Variants in ATP8A2 observed in about 807,000 individuals in gnomAD.
ATP8A2 encodes phospholipid-transporting ATPase IB.
In ATP8A2, 100 loss-of-function variants were observed where a neutral mutation model predicts 165.6. The observed-to-expected ratio is 0.60, with a 90% CI of 0.51 to 0.71. The LOEUF (loss-of-function observed/expected upper bound fraction) is 0.71, where lower values mean the gene tolerates loss of function less well. ATP8A2 is among the 30% of genes least tolerant of loss of function. ATP8A2 has a pLI of 0.00. For missense variants in ATP8A2, 1,227 were observed against 1,479.5 expected (o/e 0.83, Z 2.80); for synonymous variants, 543 against 548.8 (o/e 0.99, Z 0.15).
At chr13:25,864,478 C>T (rs1485072601) in intron 33 of ATP8A2, among the ~76,000 whole-genome samples, 1 of 152,094 alleles carries the variant, frequency 6.6e-6, no homozygotes, top group Non-Finnish European at 1.5e-5. Context: ...TTCACTGTAC[C>T]AGTCACATAA....
At chr13:25,770,874 A>T (rs150573337) in intron 26 of ATP8A2, among the ~76,000 whole-genome samples, 58 of 152,294 alleles carry the variant, frequency 3.8e-4, no homozygotes, top group Non-Finnish European at 6.9e-4. Flanking sequence ...CACAAGGAAA[A>T]ATGGCTACAC....
At chr13:25,881,064 C>A in intron 33 of ATP8A2, 1 of 291,314 alleles carries the variant, frequency 3.4e-6, no homozygotes, top group South Asian at 2.8e-5. Context: ...TATTCGTATC[C>A]AGGAAGAACA....
intron 25 of ATP8A2, among the ~76,000 whole-genome samples, chr13:25,759,576 A>T (rs750749304): frequency 4.6e-5 from 7 of 152,190 alleles, no homozygotes; most frequent in Non-Finnish European, 8.8e-5. Flanking sequence ...TGGGGGCCTT[A>T]ATAAAGCATT....
At chr13:25,477,161 G>A (rs540219153) in intron 2 of ATP8A2, among the ~76,000 whole-genome samples, 6 of 152,262 alleles carry the variant, frequency 3.9e-5, no homozygotes, top group African/African-American at 1.4e-4. Flanking sequence ...CCCTGTGTGG[G>A]TGGATAATGG....
chr13:25,511,763 T>C (rs1247674545), intron 2 of ATP8A2, among the ~76,000 whole-genome samples: 1 of 152,172 alleles, frequency 6.6e-6, no homozygotes, highest in Non-Finnish European at 1.5e-5. Flanking sequence ...ATGAAAAATT[T>C]TGGTATGTGT....
chr13:25,971,705 A>G (rs373147899), intron 35 of ATP8A2, among the ~76,000 whole-genome samples: 34 of 152,252 alleles, frequency 2.2e-4, no homozygotes, highest in African/African-American at 8.2e-4. Flanking sequence ...CAAAGTGGCC[A>G]CAGAGAGATG....
At chr13:25,516,893 G>GCC (rs898225442) in intron 2 of ATP8A2, among the ~76,000 whole-genome samples, 1 of 150,606 alleles carries the variant, frequency 6.6e-6, no homozygotes. Context: ...CGATTCTCCT[G>GCC]CCTCAGCCTT....
At chr13:25,781,983 G>T (rs2044892116) in intron 27 of ATP8A2, among the ~76,000 whole-genome samples, 1 of 152,166 alleles carries the variant, frequency 6.6e-6, no homozygotes, top group African/African-American at 2.4e-5. Context: ...AATGATAAAA[G>T]AAGTCACTGG....
intron 33 of ATP8A2, among the ~76,000 whole-genome samples, chr13:25,959,993 C>T (rs1332104580): frequency 6.6e-6 from 1 of 152,224 alleles, no homozygotes; most frequent in Non-Finnish European, 1.5e-5. Flanking sequence ...TCCTCCCATT[C>T]CAGGGTTGGA....
At chr13:25,507,679 TA>T (rs970019551) in intron 2 of ATP8A2, among the ~76,000 whole-genome samples, 3 of 152,092 alleles carry the variant, frequency 2.0e-5, no homozygotes, top group Non-Finnish European at 4.4e-5. Context: ...AAGACTGACA[TA>T]AAAAAGTCAG....
At chr13:25,863,008 A>G (rs530932049) in intron 33 of ATP8A2, among the ~76,000 whole-genome samples, 51 of 152,254 alleles carry the variant, frequency 3.3e-4, no homozygotes, top group Non-Finnish European at 5.7e-4. Flanking sequence ...AACAGTGACA[A>G]ACTGTATCCT....
intron 27 of ATP8A2, among the ~76,000 whole-genome samples, chr13:25,784,299 G>C (rs2044966179): frequency 6.6e-6 from 1 of 152,146 alleles, no homozygotes; most frequent in South Asian, 2.1e-4. Context: ...CGTGAACTTT[G>C]AGAGGTCAGC....
intron 25 of ATP8A2, among the ~76,000 whole-genome samples, chr13:25,739,491 G>A (rs535134751): frequency 1.6e-4 from 24 of 152,240 alleles, no homozygotes; most frequent in African/African-American, 5.5e-4. Context: ...TAACGTAGAG[G>A]GAGGTTTTCT....
intron 31 of ATP8A2, 42 bp from the exon 32 acceptor site, chr13:25,860,762 A>T (rs534803799): frequency 4.8e-6 from 7 of 1,458,556 alleles, no homozygotes; most frequent in South Asian, 4.8e-5. Context: ...AAAATAACTC[A>T]TTGAGAATAA....
chr13:25,543,504 C>G, intron 10 of ATP8A2, 102 bp downstream of exon 10: 1 of 708,632 alleles, frequency 1.4e-6, no homozygotes, highest in East Asian at 2.5e-5. Context: ...TCAAATTTGT[C>G]TATGAACCTA....
rs140544073 is a variant in ATP8A2 at position 25,608,649 on chromosome 13, T to C, written c.2211+18950T>C. 1.4e-4 allele frequency among the ~76,000 whole-genome samples: 21 copies of C among 152,310 alleles called. No homozygotes were observed. The East Asian group carries it at 4.0e-3, about 29-fold the overall frequency. On this transcript the variant is annotated intron_variant, in intron 24 of 36. Coordinates refer to ENST00000381655, the MANE Select transcript of ATP8A2 (RefSeq NM_016529.6). ...AGGTGTCACCTATTCAATTCTCCTG[T>C]TGTAATTAGAAAGCAGCTGCAGATG...
At chr13:25,693,590 A>G (rs2137879822) in intron 24 of ATP8A2, among the ~76,000 whole-genome samples, 1 of 152,328 alleles carries the variant, frequency 6.6e-6, no homozygotes, top group Non-Finnish European at 1.5e-5. Flanking sequence ...GCCATTTTCA[A>G]GCAAAATGTA....
chr13:25,465,767 C>CTCTTTCTCTCTTTCTT (rs2035649058), intron 1 of ATP8A2, among the ~76,000 whole-genome samples: 1 of 105,748 alleles, frequency 9.5e-6, no homozygotes, highest in African/African-American at 3.9e-5. Flanking sequence ...CTCTCTTTCT[C>CTCTTTCTCTCTTTCTT]TCTTTCTCTC....
chr13:25,524,337 CAGTTGGGTGAA>C (rs2037765906), intron 2 of ATP8A2, among the ~76,000 whole-genome samples: 2 of 152,108 alleles, frequency 1.3e-5, no homozygotes, highest in Non-Finnish European at 2.9e-5. Flanking sequence ...CATTCTGCAG[CAGTTGGGTGAA>C]ATATTCTGTA....
Sources: gnomAD v4.1 joint callset for allele counts (sites outside exome capture counted in the v4.1 genomes callset) on GRCh38, gnomAD v4.1.1 for gene constraint, MANE v1.5 for transcripts, NCBI Gene and HGNC (gene_info 2026-07-23, HGNC 2026-07-21) for gene names.